Variants in TNRC6A observed in about 807,000 individuals in gnomAD.
TNRC6A encodes the protein trinucleotide repeat containing adaptor 6A.
TNRC6A carries 44 observed loss-of-function variants against 221.2 expected under a neutral mutation model. That is an observed-to-expected ratio of 0.20 (90% CI 0.16 to 0.26). TNRC6A has a LOEUF of 0.26. Among genes scored for constraint, TNRC6A ranks in the 10% least tolerant of loss-of-function variants. The pLI, the probability that TNRC6A is intolerant of heterozygous loss-of-function variation, is 1.00. For synonymous variants in TNRC6A, 847 were observed against 838.5 expected, an observed-to-expected ratio of 1.01 and a Z score of -0.18; for missense variants, 2,199 against 2,404.4, an observed-to-expected ratio of 0.91 and a Z score of 1.79.
chr16:24,715,681 G>A (rs976922805), intron 2 of TNRC6A, among the ~76,000 whole-genome samples: 9 of 145,218 alleles, frequency 6.2e-5, no homozygotes, highest in African/African-American at 2.3e-4. Flanking sequence ...GCAGTGGCAT[G>A]ATCTTGGCTC....
At position 24,823,969 on chromosome 16, in the gene TNRC6A, C is replaced by A; in HGVS notation, c.*162C>A. The A allele has an allele frequency of 1.8e-6, 1 of 569,920 alleles. No individual in the cohort carries two copies. Among genetic ancestry groups the A allele is most frequent in the Non-Finnish European group, 2.7e-6 (1 of 372,316 alleles). 35.3% of individuals were successfully genotyped at this position (569,920 alleles called of 1,614,324 possible). A position where few individuals can be genotyped will look rare whatever the true frequency, so the allele number is the denominator to read the frequency against. On this transcript the variant is annotated 3_prime_UTR_variant, in exon 25 of 25. Transcript: ENST00000395799. This position sits in a 1 kb window ranked among gnomAD's most constrained non-coding sequence, Gnocchi z 4.3. ...AACATATCAGTTTGAATACTTGAAT[C>A]ATGCAGGCCAATATTATAATGTGAA...
chr16:24,715,880 C>CA (rs1371156011), intron 2 of TNRC6A, among the ~76,000 whole-genome samples: 6 of 152,070 alleles, frequency 3.9e-5, no homozygotes, highest in African/African-American at 1.4e-4. Flanking sequence ...CTTGGCCTCC[C>CA]AAAGTGCCGG....
chr16:24,630,411 C>T (rs1416490228), intron 1 of TNRC6A, among the ~76,000 whole-genome samples: 1 of 152,136 alleles, frequency 6.6e-6, no homozygotes, highest in Non-Finnish European at 1.5e-5. Flanking sequence ...CATGTGTAAT[C>T]CCAGCACTTT....
chr16:24,724,055 T>C (rs2056454481), intron 2 of TNRC6A, among the ~76,000 whole-genome samples: 1 of 152,242 alleles, frequency 6.6e-6, no homozygotes, highest in South Asian at 2.1e-4. Context: ...ATATCAGAGA[T>C]GTCAATATGT....
chr16:24,616,446 G>A (rs1040617407), intron 1 of TNRC6A, among the ~76,000 whole-genome samples: 4 of 152,046 alleles, frequency 2.6e-5, no homozygotes, highest in Non-Finnish European at 4.4e-5. Context: ...AATTTTTTAG[G>A]AGAAAAAGGC....
intron 2 of TNRC6A, among the ~76,000 whole-genome samples, chr16:24,690,411 T>C (rs2142123695): frequency 6.6e-6 from 1 of 152,312 alleles, no homozygotes; most frequent in South Asian, 2.1e-4. Flanking sequence ...TGGAGGTTTT[T>C]TTCCTCAACA....
rs201421601 is a variant in TNRC6A, at chr16:24,702,107, C to CTT, written n.403-48602_403-48601dup. Among the ~76,000 whole-genome samples, 397 of 50,222 alleles carry CTT rather than the reference C, an allele frequency of 7.9e-3. 1 individual carries two copies. Among genetic ancestry groups the CTT allele is most frequent in the African/African-American group, 0.029 (321 of 11,158 alleles). 32.9% of individuals were successfully genotyped at this position (50,222 alleles called of 152,430 possible). On this transcript the variant is annotated intron_variant and non_coding_transcript_variant, in intron 2 of 2. Transcript: ENST00000566108. ...TCTATTTTCTTTTCTTTTCTTTTTT[C>CTT]TTTTTTTTTTTTTTTTTTGAGGCAG...
intron 2 of TNRC6A, among the ~76,000 whole-genome samples, chr16:24,683,227 C>T (rs2142071750): frequency 6.6e-6 from 1 of 152,186 alleles, no homozygotes; most frequent in South Asian, 2.1e-4. Flanking sequence ...GAGACAAGTT[C>T]TCACTCTATC....
At chr16:24,697,544 G>C (rs2055886462) in intron 2 of TNRC6A, among the ~76,000 whole-genome samples, 1 of 151,862 alleles carries the variant, frequency 6.6e-6, no homozygotes, top group Non-Finnish European at 1.5e-5. Context: ...ACTTTGCTAG[G>C]CATGGTGGCA....
chr16:24,777,441 G>A (rs2057750035), intron 5 of TNRC6A, 83 bp downstream of exon 5: 1 of 1,398,160 alleles, frequency 7.2e-7, no homozygotes. Context: ...GCTTTTTGGT[G>A]ATGTATTTGT....
At chr16:24,709,300 C>T (rs931244727) in intron 2 of TNRC6A, among the ~76,000 whole-genome samples, 1 of 151,470 alleles carries the variant, frequency 6.6e-6, no homozygotes, top group Non-Finnish European at 1.5e-5. Context: ...CATATAATGA[C>T]TTCTTTTCCT....
chr16:24,690,357 G>C (rs1024608144), intron 2 of TNRC6A, among the ~76,000 whole-genome samples: 4 of 152,008 alleles, frequency 2.6e-5, no homozygotes, highest in African/African-American at 9.7e-5. Flanking sequence ...AACAAGGAAG[G>C]GAAATTATTT....
intron 2 of TNRC6A, among the ~76,000 whole-genome samples, chr16:24,707,538 C>A (rs188986249): frequency 6.2e-4 from 94 of 152,270 alleles, no homozygotes; most frequent in African/African-American, 2.1e-3. Context: ...TTCTACAATT[C>A]ATGCAACAGA....
chr16:24,642,813 C>T (rs1902022772), intron 2 of TNRC6A, among the ~76,000 whole-genome samples: 1 of 151,802 alleles, frequency 6.6e-6, no homozygotes, highest in African/African-American at 2.4e-5. Flanking sequence ...AGTGAGACTC[C>T]ATCTCACTGG....
At chr16:24,729,301 ATTTTTTTTT>A (rs60592267), upstream of TNRC6A, among the ~76,000 whole-genome samples, 2 of 94,616 alleles carry the variant, frequency 2.1e-5, no homozygotes, top group African/African-American at 4.2e-5. Context: ...GTTTTAGGCA[ATTTTTTTTT>A]TTTTTTTTTT....
intron 2 of TNRC6A, among the ~76,000 whole-genome samples, chr16:24,642,885 A>T (rs1051225824): frequency 6.6e-6 from 1 of 151,010 alleles, no homozygotes; most frequent in Non-Finnish European, 1.5e-5. Context: ...TCTACAAAAA[A>T]TTTTTAAACT....
At chr16:24,693,976 C>T (rs895987294) in intron 2 of TNRC6A, among the ~76,000 whole-genome samples, 3 of 152,248 alleles carry the variant, frequency 2.0e-5, no homozygotes, top group Admixed American at 6.5e-5. Flanking sequence ...TCATTTCTGG[C>T]TTTGTTTTTC....
chr16:24,769,524 A>T (rs2057546074), intron 4 of TNRC6A, among the ~76,000 whole-genome samples: 1 of 150,248 alleles, frequency 6.7e-6, no homozygotes, highest in African/African-American at 2.4e-5. Context: ...TCTATGTTTT[A>T]TCCTAGCTAA....
At chr16:24,761,247 A>T (rs2057356199) in intron 4 of TNRC6A, among the ~76,000 whole-genome samples, 1 of 152,234 alleles carries the variant, frequency 6.6e-6, no homozygotes, top group South Asian at 2.1e-4. Context: ...CAACGTAATG[A>T]CGTTCTTGAA....
Sources: gnomAD v4.1 joint callset for allele counts (sites outside exome capture counted in the v4.1 genomes callset) on GRCh38, gnomAD v4.1.1 for gene constraint, Gnocchi (gnomAD v3.1) non-coding constraint, MANE v1.5 for transcripts, NCBI Gene and HGNC (gene_info 2026-07-23, HGNC 2026-07-21) for gene names.